The following DIAPH3 variants were observed in gnomAD, a reference collection of about 807,000 sequenced individuals.
DIAPH3 encodes the protein protein diaphanous homolog 3.
DIAPH3 carries 117 observed loss-of-function variants against 144.3 expected under a neutral mutation model. The observed-to-expected ratio is 0.81, with a 90% CI of 0.70 to 0.95. The LOEUF is 0.95. Ranked by LOEUF, DIAPH3 falls within the 40% of genes least tolerant of loss-of-function variation. The probability of loss-of-function intolerance (pLI) is 0.00; values close to 1 mark genes in which losing one functional copy is unlikely to be tolerated. For missense variants in DIAPH3, 1,421 were observed against 1,412.7 expected (o/e 1.01, Z -0.09); for synonymous variants, 519 against 488.9 (o/e 1.06, Z -0.81).
At chr13:60,017,997 C>T (rs911300268) in intron 5 of DIAPH3, among the ~76,000 whole-genome samples, 1 of 152,120 alleles carries the variant, frequency 6.6e-6, no homozygotes, top group Non-Finnish European at 1.5e-5. Context: ...TTGTTGACAT[C>T]CTATTCTGAA....
intron 25 of DIAPH3, among the ~76,000 whole-genome samples, chr13:59,788,225 AT>A (rs1447863795): frequency 6.6e-6 from 1 of 152,236 alleles, no homozygotes; most frequent in Non-Finnish European, 1.5e-5. Flanking sequence ...ATAAATCAGT[AT>A]TGGTGAAGGG....
At chr13:60,081,155 G>T (rs979232131) in intron 4 of DIAPH3, among the ~76,000 whole-genome samples, 4 of 151,898 alleles carry the variant, frequency 2.6e-5, no homozygotes, top group Admixed American at 6.6e-5. Context: ...CAGGGGTGGG[G>T]TATAGTACTG....
At chr13:59,794,224 G>C (rs952532472) in intron 25 of DIAPH3, among the ~76,000 whole-genome samples, 1 of 152,128 alleles carries the variant, frequency 6.6e-6, no homozygotes, top group African/African-American at 2.4e-5. Flanking sequence ...TCCAAATTAT[G>C]ATGGGTTTAT....
chr13:60,037,158 T>C (rs2141151953), intron 5 of DIAPH3, among the ~76,000 whole-genome samples: 2 of 152,108 alleles, frequency 1.3e-5, no homozygotes, highest in South Asian at 4.1e-4. Context: ...AAAAAAATTG[T>C]GGGTCAACCT....
intron 17 of DIAPH3, among the ~76,000 whole-genome samples, chr13:59,958,185 C>T (rs1266506420): frequency 6.6e-6 from 1 of 151,968 alleles, no homozygotes; most frequent in Non-Finnish European, 1.5e-5. Flanking sequence ...TTTTAATTAT[C>T]CATTTAAATA....
chr13:59,753,299 T>C (rs541376705), intron 27 of DIAPH3, among the ~76,000 whole-genome samples: 116 of 152,350 alleles, frequency 7.6e-4, no homozygotes, highest in African/African-American at 2.7e-3. Flanking sequence ...ATCACAGATA[T>C]TTATGTAATT....
Position 60,028,842 on chromosome 13 carries a change from C to G in DIAPH3, c.627-12697G>C, listed in dbSNP as rs190234173. On this transcript the variant is annotated intron_variant, in intron 5 of 27. Coordinates refer to ENST00000400324, the MANE Select transcript of DIAPH3 (RefSeq NM_001042517.2). ...TTGGGAGGCCGAGGTGGGCGGATCACAAGGTCAGGAGATCGAGACCATCCT... is the reference window on the plus strand; with the variant it reads ...TTGGGAGGCCGAGGTGGGCGGATCAGAAGGTCAGGAGATCGAGACCATCCT... Among the ~76,000 whole-genome samples, 35 of 152,172 alleles carry G rather than the reference C, an allele frequency of 2.3e-4. 2 individuals are homozygous for G. In the East Asian group the frequency reaches 6.8e-3, roughly 30 times the overall value.
chr13:59,977,934 C>G (rs531852987), intron 14 of DIAPH3, among the ~76,000 whole-genome samples: 4 of 151,832 alleles, frequency 2.6e-5, no homozygotes, highest in South Asian at 4.2e-4. Flanking sequence ...AGATATGCAT[C>G]CTTCTTGGCT....
chr13:60,157,495 T>C (rs771779964), intron 1 of DIAPH3, among the ~76,000 whole-genome samples: 11 of 152,246 alleles, frequency 7.2e-5, no homozygotes, highest in East Asian at 1.9e-4. Flanking sequence ...ATTTCATTCA[T>C]TGTGAGCATA....
chr13:60,054,507 C>T (rs2141261870), intron 4 of DIAPH3, among the ~76,000 whole-genome samples: 1 of 151,982 alleles, frequency 6.6e-6, no homozygotes, highest in Non-Finnish European at 1.5e-5. Flanking sequence ...AGTCAATAAC[C>T]ATTAATTAAC....
intron 21 of DIAPH3, among the ~76,000 whole-genome samples, chr13:59,872,290 T>G (rs2044327349): frequency 6.6e-6 from 1 of 152,222 alleles, no homozygotes; most frequent in Non-Finnish European, 1.5e-5. Context: ...CTGTTTCATA[T>G]AAGTGGATCA....
chr13:59,695,206 G>A (rs2033733952), intron 27 of DIAPH3: 1 of 152,130 alleles, frequency 6.6e-6, no homozygotes, highest in African/African-American at 2.4e-5. Context: ...CACTTTACAG[G>A]GAAAAGGGAG....
chr13:59,928,580 T>C (rs2047865857), intron 17 of DIAPH3, among the ~76,000 whole-genome samples: 1 of 152,140 alleles, frequency 6.6e-6, no homozygotes, highest in Non-Finnish European at 1.5e-5. Flanking sequence ...ATCGATTAAG[T>C]AGAGTGTTTG....
chr13:60,037,719 T>A (rs571545740), intron 5 of DIAPH3, among the ~76,000 whole-genome samples: 3 of 151,994 alleles, frequency 2.0e-5, no homozygotes, highest in South Asian at 4.2e-4. Flanking sequence ...GTAGCATAAA[T>A]TAAAAATTCA....
intron 3 of DIAPH3, among the ~76,000 whole-genome samples, chr13:60,094,202 T>G (rs565936094): frequency 6.6e-6 from 1 of 152,246 alleles, no homozygotes; most frequent in South Asian, 2.1e-4. Flanking sequence ...CCAGTACTGG[T>G]TCCAGCAAAA....
At chr13:59,783,663 A>G (rs1283359820) in intron 25 of DIAPH3, among the ~76,000 whole-genome samples, 1 of 152,218 alleles carries the variant, frequency 6.6e-6, no homozygotes, top group African/African-American at 2.4e-5. Context: ...TATTGGGCAT[A>G]TTACTTAGTC....
At chr13:59,953,017 T>A (rs1325678331) in intron 17 of DIAPH3, among the ~76,000 whole-genome samples, 1 of 152,032 alleles carries the variant, frequency 6.6e-6, no homozygotes, top group East Asian at 1.9e-4. Context: ...AACAGTATGT[T>A]AGAAGGAGAT....
intron 2 of DIAPH3, among the ~76,000 whole-genome samples, chr13:60,117,938 C>T (rs1053942313): frequency 2.0e-5 from 3 of 151,940 alleles, no homozygotes; most frequent in Non-Finnish European, 4.4e-5. Flanking sequence ...TAAAGTTGAG[C>T]AAGAAACACA....
At chr13:60,067,877 A>G (rs934255663) in intron 4 of DIAPH3, among the ~76,000 whole-genome samples, 1 of 152,120 alleles carries the variant, frequency 6.6e-6, no homozygotes, top group Non-Finnish European at 1.5e-5. Context: ...ACGCTTCTGT[A>G]TTTTAATCCC....
Sources: gnomAD v4.1 joint callset for allele counts (sites outside exome capture counted in the v4.1 genomes callset) on GRCh38, gnomAD v4.1.1 for gene constraint, MANE v1.5 for transcripts, NCBI Gene and HGNC (gene_info 2026-07-23, HGNC 2026-07-21) for gene names.